GUCY1A2: variants seen among roughly 807,000 people sequenced by gnomAD.
The protein encoded by GUCY1A2 is guanylate cyclase 1 soluble subunit alpha 2.
A neutral mutation model predicts 63.5 loss-of-function variants in GUCY1A2; 27 were observed. The ratio of observed to expected loss-of-function variants is 0.43; its 90% CI spans 0.31 to 0.59. GUCY1A2 has a LOEUF of 0.59. Among genes scored for constraint, GUCY1A2 ranks in the 20% least tolerant of loss-of-function variants. The probability of loss-of-function intolerance (pLI) is 0.11; values close to 1 mark genes in which losing one functional copy is unlikely to be tolerated. For missense variants in GUCY1A2, 768 were observed against 913.3 expected (o/e 0.84, Z 2.05); for synonymous variants, 364 against 343.5 (o/e 1.06, Z -0.66).
intron 4 of GUCY1A2, among the ~76,000 whole-genome samples, chr11:106,846,430 T>G (rs1318971630): frequency 2.0e-5 from 3 of 151,596 alleles, no homozygotes; most frequent in Non-Finnish European, 4.4e-5. Context: ...TGGAAAAAAA[T>G]CTAGATTTTA....
Position 106,939,692 on chromosome 11 carries a change from C to T in GUCY1A2, c.974G>A (p.Arg325Lys). The stretch of plus-strand genomic sequence containing the variant: ...AAACATCAAGTGGAAAGGGAAGGCT[C>T]TACAGAAGGTGTTGATGCTAATTCT... ...DLRISINTFC[R>K]AFPFHLMFDP... is the part of the protein sequence containing the mutation. The change falls in exon 4 of 8, where the codon AGA becomes AAA. Residue 325 changes from arginine to lysine, a missense_variant. This residue lies in a region of GUCY1A2 where 496 missense variants were observed against 486.9 expected (regional missense o/e 1.02). Transcript: ENST00000526355. The T allele has an allele frequency of 3.1e-6, 5 of 1,613,918 alleles. No homozygotes were observed. Among genetic ancestry groups the T allele is most frequent in the Non-Finnish European group, 4.2e-6 (5 of 1,179,842 alleles).
intron 1 of GUCY1A2, among the ~76,000 whole-genome samples, chr11:107,000,402 C>T (rs1350403679): frequency 6.6e-6 from 1 of 152,196 alleles, no homozygotes; most frequent in African/African-American, 2.4e-5. Flanking sequence ...TCTTTCCCTC[C>T]ATCTCTGTTC....
chr11:106,704,271 G>A (rs1237006517), intron 7 of GUCY1A2, among the ~76,000 whole-genome samples: 1 of 152,158 alleles, frequency 6.6e-6, no homozygotes, highest in Non-Finnish European at 1.5e-5. Flanking sequence ...GTAAATGAAT[G>A]TCTAATATGT....
chr11:106,845,348 C>T (rs1591299632), intron 4 of GUCY1A2, among the ~76,000 whole-genome samples: 1 of 151,364 alleles, frequency 6.6e-6, no homozygotes, highest in Non-Finnish European at 1.5e-5. Flanking sequence ...CAGTATTGCT[C>T]CCCCTCTTCT....
chr11:106,978,552 A>G, intron 3 of GUCY1A2, 67 bp downstream of exon 3: 1 of 1,093,736 alleles, frequency 9.1e-7, no homozygotes, highest in Non-Finnish European at 1.3e-6. Context: ...AACATGAAAC[A>G]CTTCCACCTC....
chr11:106,922,955 A>G (rs1860469280), intron 4 of GUCY1A2, among the ~76,000 whole-genome samples: 1 of 151,964 alleles, frequency 6.6e-6, no homozygotes, highest in Admixed American at 6.6e-5. Flanking sequence ...CAAAATTCGG[A>G]CTACCTGTTG....
intron 4 of GUCY1A2, among the ~76,000 whole-genome samples, chr11:106,922,500 T>C (rs5005146): frequency 0.36 from 53,625 of 149,952 alleles, 10,281 homozygotes; most frequent in Non-Finnish European, 0.43. Context: ...AATACATATA[T>C]TTGTTTATAT....
At chr11:106,777,852 G>GTATT (rs1864386742) in intron 5 of GUCY1A2, among the ~76,000 whole-genome samples, 1 of 152,050 alleles carries the variant, frequency 6.6e-6, no homozygotes, top group African/African-American at 2.4e-5. Flanking sequence ...GAAGAAACAA[G>GTATT]TATTAGTGAC....
chr11:106,751,090 C>T (rs1863874895), intron 6 of GUCY1A2, among the ~76,000 whole-genome samples: 1 of 152,064 alleles, frequency 6.6e-6, no homozygotes, highest in East Asian at 1.9e-4. Context: ...GGGATATTGT[C>T]ACTGTGTAAA....
rs1425447865 is a variant in GUCY1A2, at chr11:106,679,638, G to C, written c.*7911C>G. On this transcript the variant is annotated 3_prime_UTR_variant, in exon 8 of 8. Transcript: ENST00000526355. ...TCTCACTGAATGCTAGCTCAGCCAG[G>C]CATGTTATAAAAGGAAAAAATATAG... 4.7e-6 allele frequency: 1 copy of C among 212,594 alleles called. No individual in the cohort carries two copies. Among genetic ancestry groups the C allele is most frequent in the South Asian group, 1.9e-4 (1 of 5,352 alleles). 13.2% of individuals were successfully genotyped at this position (212,594 alleles called of 1,614,324 possible).
At chr11:106,937,626 C>T (rs896407559) in intron 4 of GUCY1A2, among the ~76,000 whole-genome samples, 5 of 152,080 alleles carry the variant, frequency 3.3e-5, no homozygotes, top group Non-Finnish European at 5.9e-5. Flanking sequence ...AAGAATAACT[C>T]GTTTTAAAGC....
At chr11:106,963,532 C>T (rs1191703802) in intron 3 of GUCY1A2, among the ~76,000 whole-genome samples, 6 of 152,166 alleles carry the variant, frequency 3.9e-5, no homozygotes, top group Admixed American at 3.9e-4. Context: ...ATCAATTGCC[C>T]TGCAATAGGA....
At chr11:106,957,177 G>T (rs1487014996) in intron 3 of GUCY1A2, among the ~76,000 whole-genome samples, 1 of 152,132 alleles carries the variant, frequency 6.6e-6, no homozygotes, top group African/African-American at 2.4e-5. Flanking sequence ...TATAGAAATG[G>T]GTGTGCCCAC....
At chr11:106,839,687 G>T (rs962484438) in intron 4 of GUCY1A2, among the ~76,000 whole-genome samples, 2 of 151,698 alleles carry the variant, frequency 1.3e-5, no homozygotes, top group Admixed American at 6.6e-5. Flanking sequence ...CCATAAAAAA[G>T]GATGAGTTCA....
intron 4 of GUCY1A2, among the ~76,000 whole-genome samples, chr11:106,914,108 A>T (rs1860335865): frequency 6.6e-6 from 1 of 151,876 alleles, no homozygotes; most frequent in Non-Finnish European, 1.5e-5. Flanking sequence ...ATCTATTTGT[A>T]GGGGAGACAG....
At chr11:106,970,645 T>C (rs1349115623) in intron 3 of GUCY1A2, among the ~76,000 whole-genome samples, 1 of 152,166 alleles carries the variant, frequency 6.6e-6, no homozygotes, top group Non-Finnish European at 1.5e-5. Context: ...GAAAGGCAAA[T>C]GGCTCAGCCA....
intron 5 of GUCY1A2, among the ~76,000 whole-genome samples, chr11:106,804,415 G>A (rs1009187080): frequency 1.3e-5 from 2 of 152,170 alleles, no homozygotes; most frequent in African/African-American, 4.8e-5. Context: ...GGCATTTCAT[G>A]CTGCAAATGA....
At chr11:106,830,617 G>C (rs567726171) in intron 4 of GUCY1A2, among the ~76,000 whole-genome samples, 35 of 152,334 alleles carry the variant, frequency 2.3e-4, no homozygotes, top group African/African-American at 8.2e-4. Flanking sequence ...GATGCTTCCT[G>C]CTCTCGAACA....
At chr11:106,900,365 G>A (rs541082343) in intron 4 of GUCY1A2, among the ~76,000 whole-genome samples, 5 of 152,038 alleles carry the variant, frequency 3.3e-5, no homozygotes, top group Non-Finnish European at 7.4e-5. Context: ...TGTATTTTTT[G>A]TAGAGACGGG....
Sources: gnomAD v4.1 joint callset for allele counts (sites outside exome capture counted in the v4.1 genomes callset) on GRCh38, gnomAD v4.1.1 for gene constraint, gnomAD v4.1.1 regional missense constraint, MANE v1.5 for transcripts, NCBI Gene and HGNC (gene_info 2026-07-23, HGNC 2026-07-21) for gene names.